Variants in ANKRD55 observed in about 807,000 individuals in gnomAD.
ANKRD55 encodes ankyrin repeat domain 55.
In ANKRD55, 41 loss-of-function variants were observed where a neutral mutation model predicts 60.6. The ratio of observed to expected loss-of-function variants is 0.68; its 90% confidence interval spans 0.53 to 0.88. The LOEUF (loss-of-function observed/expected upper bound fraction) is 0.88, where lower values mean the gene tolerates loss of function less well. Ranked by LOEUF, ANKRD55 falls within the 40% of genes least tolerant of loss-of-function variation. The pLI is 0.00. For synonymous variants in ANKRD55, 264 were observed against 290.3 expected, an observed-to-expected ratio of 0.91 and a Z score of 0.92; for missense variants, 732 against 767.6, an observed-to-expected ratio of 0.95 and a Z score of 0.55.
chr5:56,157,301 C>G (rs539825849), intron 6 of ANKRD55, among the ~76,000 whole-genome samples: 1 of 152,344 alleles, frequency 6.6e-6, no homozygotes, highest in African/African-American at 2.4e-5. Context: ...TGGAAGGCCA[C>G]AGGGACCTCT....
At chr5:56,217,267 AACAATACTG>A (rs1222713654) in intron 2 of ANKRD55, among the ~76,000 whole-genome samples, 6 of 152,248 alleles carry the variant, frequency 3.9e-5, no homozygotes, top group Non-Finnish European at 7.3e-5. Flanking sequence ...TTCCTTTCAA[AACAATACTG>A]ACAATACATT....
chr5:56,135,347 CTTTCTTTCT>C (rs1280999624), intron 7 of ANKRD55, among the ~76,000 whole-genome samples: 6,198 of 30,540 alleles, frequency 0.2, 674 homozygotes, highest in African/African-American at 0.29. Context: ...TTCTTTCTTT[CTTTCTTTCT>C]TTCTTTCTTT....
intron 2 of ANKRD55, among the ~76,000 whole-genome samples, chr5:56,186,209 C>T (rs1016037291): frequency 2.0e-5 from 3 of 152,230 alleles, no homozygotes; most frequent in Middle Eastern, 3.4e-3. Context: ...GTTGGGTCAC[C>T]CATGCTGGAG....
In ANKRD55 at chr5:56,120,269, C is replaced by T. The variant is rs192013589; in HGVS notation, c.798-3487G>A. The stretch of plus-strand genomic sequence containing the variant: ...CCAGGATGGTTTCGATCTCCTGATC[C>T]GCCGTCCTCGGCCTCCCAAAGTGTT... On this transcript the variant is annotated intron_variant, in intron 8 of 11. Coordinates refer to ENST00000341048, the MANE Select transcript of ANKRD55 (RefSeq NM_024669.3). Among the ~76,000 whole-genome samples, 213 of 152,020 alleles carry T rather than the reference C, an allele frequency of 1.4e-3. 3 individuals carry two copies. Among genetic ancestry groups the T allele is most frequent in the Non-Finnish European group, 5.0e-4 (34 of 67,940 alleles).
At chr5:56,106,563 A>G (rs940561853) in intron 10 of ANKRD55, among the ~76,000 whole-genome samples, 1 of 151,808 alleles carries the variant, frequency 6.6e-6, no homozygotes, top group African/African-American at 2.4e-5. Flanking sequence ...AGCTGGGACT[A>G]CAGGCGCCCG....
At chr5:56,209,950 T>A (rs962892673) in intron 2 of ANKRD55, among the ~76,000 whole-genome samples, 42 of 152,152 alleles carry the variant, frequency 2.8e-4, no homozygotes, top group Middle Eastern at 3.4e-3. Flanking sequence ...GCTTTACAAT[T>A]AAAAAAAATT....
At chr5:56,136,261 A>AT (rs1273295078) in intron 7 of ANKRD55, among the ~76,000 whole-genome samples, 2 of 152,238 alleles carry the variant, frequency 1.3e-5, no homozygotes, top group African/African-American at 4.8e-5. Flanking sequence ...CAACAAACTG[A>AT]TTCCACAGTT....
intron 8 of ANKRD55, among the ~76,000 whole-genome samples, chr5:56,124,477 A>C (rs1328629346): frequency 6.6e-6 from 1 of 152,186 alleles, no homozygotes; most frequent in African/African-American, 2.4e-5. Flanking sequence ...AACCTGTGCA[A>C]ACTTTGAAAA....
intron 7 of ANKRD55, chr5:56,137,326 T>C: frequency 6.5e-7 from 1 of 1,541,354 alleles, no homozygotes; most frequent in Non-Finnish European, 8.9e-7. Context: ...ATTGAGCATA[T>C]CCATGGGAAC....
rs567673151 is a variant in ANKRD55, at chr5:56,152,971, A to G, written c.483+6862T>C. The stretch of plus-strand genomic sequence containing the variant: ...TTATATCAGATTTTTACATTTCTGA[A>G]TAAGAAAAGGTACTATGAACTATTT... On this transcript the variant is annotated intron_variant, in intron 6 of 11. Coordinates refer to ENST00000341048, the MANE Select transcript of ANKRD55 (RefSeq NM_024669.3). Among the ~76,000 whole-genome samples the G allele has an allele frequency of 2.0e-5, 3 of 152,316 alleles. No individual in the cohort carries two copies. In the East Asian group the frequency reaches 5.8e-4, roughly 29 times the overall value.
chr5:56,132,708 C>G (rs1757457454), intron 7 of ANKRD55, among the ~76,000 whole-genome samples: 2 of 151,414 alleles, frequency 1.3e-5, no homozygotes, highest in South Asian at 4.2e-4. Flanking sequence ...ATGTACCAAT[C>G]AAAAGACAGA....
chr5:56,125,804 C>G (rs1757230647), intron 8 of ANKRD55: 1 of 152,024 alleles, frequency 6.6e-6, no homozygotes. Flanking sequence ...TTTCAGGTAT[C>G]TGGGAGTAGG....
chr5:56,106,321 C>T (rs532347014), intron 10 of ANKRD55, among the ~76,000 whole-genome samples: 92 of 151,846 alleles, frequency 6.1e-4, no homozygotes, highest in African/African-American at 2.1e-3. Context: ...CTAACAACAA[C>T]GACAACACCC....
At chr5:56,107,924 C>A (rs1475610390) in intron 10 of ANKRD55, among the ~76,000 whole-genome samples, 1 of 151,174 alleles carries the variant, frequency 6.6e-6, no homozygotes, top group Non-Finnish European at 1.5e-5. Flanking sequence ...GTCTGGGGTG[C>A]AGTGGTGCGA....
intron 2 of ANKRD55, among the ~76,000 whole-genome samples, chr5:56,228,313 C>T (rs560049332): frequency 1.1e-4 from 16 of 151,936 alleles, no homozygotes; most frequent in South Asian, 2.1e-4. Flanking sequence ...TGCACACAGA[C>T]GAGGCCAAGT....
Position 56,193,076 on chromosome 5 carries a change from G to T in ANKRD55, c.59-9442C>A, listed in dbSNP as rs1581012973. 10 of 728,098 alleles carry T rather than the reference G, an allele frequency of 1.4e-5. 1 individual carries two copies. The Middle Eastern group carries it at 2.3e-3, about 169-fold the overall frequency. 45.1% of individuals were successfully genotyped at this position (728,098 alleles called of 1,614,324 possible). On this transcript the variant is annotated intron_variant, in intron 2 of 11. Coordinates refer to ENST00000341048, the MANE Select transcript of ANKRD55 (RefSeq NM_024669.3). ...AGATGATGACACATATTTCATACTA[G>T]ATAATTTGAGATGGCTTCTTTCAAA...
chr5:56,190,492 A>G (rs1170467973), intron 2 of ANKRD55, among the ~76,000 whole-genome samples: 1 of 152,114 alleles, frequency 6.6e-6, no homozygotes, highest in Non-Finnish European at 1.5e-5. Flanking sequence ...TTTTGAGTTA[A>G]CTTTTATATA....
At chr5:56,140,528 C>A (rs1343728782) in intron 7 of ANKRD55, among the ~76,000 whole-genome samples, 1 of 152,116 alleles carries the variant, frequency 6.6e-6, no homozygotes, top group African/African-American at 2.4e-5. Context: ...TCTAGAGGGA[C>A]CTATCTTTTT....
At chr5:56,170,973 C>T (rs528081184) in intron 4 of ANKRD55, among the ~76,000 whole-genome samples, 170 bp from the exon 5 acceptor site, 9 of 152,218 alleles carry the variant, frequency 5.9e-5, no homozygotes, top group East Asian at 1.9e-4. Context: ...AACAGATGGC[C>T]GAAGGTCTTG....
Sources: allele counts gnomAD v4.1 joint callset (sites outside exome capture counted in the v4.1 genomes callset), GRCh38; gene constraint gnomAD v4.1.1; transcripts MANE v1.5; gene names NCBI Gene and HGNC (gene_info 2026-07-23, HGNC 2026-07-21).